PRKCA: variants seen among roughly 807,000 people sequenced by gnomAD.
PRKCA encodes protein kinase C alpha type.
In PRKCA, 27 loss-of-function variants were observed where a neutral mutation model predicts 87.0. The observed-to-expected ratio is 0.31, with a 90% CI of 0.23 to 0.43. The LOEUF is 0.43. Ranked by LOEUF, PRKCA falls within the 20% of genes least tolerant of loss-of-function variation. PRKCA has a pLI of 1.00. For missense variants in PRKCA, 518 were observed against 852.3 expected (o/e 0.61, Z 4.88); for synonymous variants, 329 against 311.1 (o/e 1.06, Z -0.61).
chr17:66,691,166 CTCT>C (rs1972777035), intron 8 of PRKCA, among the ~76,000 whole-genome samples: 1 of 152,114 alleles, frequency 6.6e-6, no homozygotes. Flanking sequence ...AAACTTAGAA[CTCT>C]GTGTAGGTCA....
At chr17:66,714,281 C>G (rs1166275864) in intron 8 of PRKCA, among the ~76,000 whole-genome samples, 1 of 151,786 alleles carries the variant, frequency 6.6e-6, no homozygotes, top group Admixed American at 6.6e-5. Context: ...CTCAAGCTGC[C>G]AGGCCTCATG....
At chr17:66,605,907 G>T (rs781192294) in intron 3 of PRKCA, among the ~76,000 whole-genome samples, 23 of 151,956 alleles carry the variant, frequency 1.5e-4, no homozygotes, top group Middle Eastern at 3.4e-3. Context: ...TAGGTTAGTG[G>T]TTACCTAGGG....
At chr17:66,508,233 A>G (rs866236293) in intron 3 of PRKCA, among the ~76,000 whole-genome samples, 5 of 152,228 alleles carry the variant, frequency 3.3e-5, no homozygotes, top group Admixed American at 1.3e-4. Flanking sequence ...GGGAAGGTCC[A>G]TTCTAATTAT....
At chr17:66,592,343 C>CAAAAAAAAAAAAAAAAAAAAAAA (rs71160581) in intron 3 of PRKCA, among the ~76,000 whole-genome samples, 2 of 82,362 alleles carry the variant, frequency 2.4e-5, no homozygotes, top group African/African-American at 5.8e-5. Flanking sequence ...TGATCCGTCT[C>CAAAAAAAAAAAAAAAAAAAAAAA]AAAAAAAAAA....
chr17:66,751,000 G>T (rs1313376300), intron 13 of PRKCA, among the ~76,000 whole-genome samples: 1 of 152,192 alleles, frequency 6.6e-6, no homozygotes, highest in South Asian at 2.1e-4. Context: ...GGCTTTCAGA[G>T]CTCAGATAAT....
intron 16 of PRKCA, chr17:66,796,812 T>C (rs1975680992): frequency 1.0e-6 from 1 of 985,260 alleles, no homozygotes; most frequent in East Asian, 1.1e-4. Flanking sequence ...GGCGCTCCAC[T>C]GTACCCCAGC....
intron 3 of PRKCA, among the ~76,000 whole-genome samples, chr17:66,628,999 A>G (rs989758663): frequency 1.3e-5 from 2 of 152,254 alleles, no homozygotes; most frequent in African/African-American, 4.8e-5. Flanking sequence ...ATTGCACTCC[A>G]GCCTGGGCAA....
chr17:66,376,053 A>G (rs1909399982), intron 2 of PRKCA, among the ~76,000 whole-genome samples: 1 of 152,196 alleles, frequency 6.6e-6, no homozygotes, highest in African/African-American at 2.4e-5. Context: ...TGTGCTGGGT[A>G]CAGAGCCACA....
intron 8 of PRKCA, among the ~76,000 whole-genome samples, chr17:66,731,878 C>T (rs1311625929): frequency 6.7e-6 from 1 of 149,594 alleles, no homozygotes; most frequent in Admixed American, 6.7e-5. Context: ...CCGCCCCCCG[C>T]CCCCCGGTTC....
At chr17:66,768,244 ATTTT>A (rs148009151) in intron 13 of PRKCA, among the ~76,000 whole-genome samples, 1 of 132,490 alleles carries the variant, frequency 7.5e-6, no homozygotes, top group Admixed American at 7.7e-5. Flanking sequence ...ATGCCCAGCC[ATTTT>A]TTTTTTTTTT....
chr17:66,672,149 A>G (rs540860392), intron 5 of PRKCA, among the ~76,000 whole-genome samples: 2 of 152,394 alleles, frequency 1.3e-5, no homozygotes, highest in East Asian at 3.9e-4. Flanking sequence ...AGATTTAACT[A>G]CATAATAAGT....
intron 8 of PRKCA, among the ~76,000 whole-genome samples, chr17:66,728,183 T>C (rs1387268961): frequency 1.3e-5 from 2 of 152,164 alleles, no homozygotes; most frequent in African/African-American, 4.8e-5. Flanking sequence ...GTGCTGCTCT[T>C]GATTGGGGGA....
At chr17:66,420,002 C>CTTT (rs558522698) in intron 2 of PRKCA, among the ~76,000 whole-genome samples, 4 of 113,714 alleles carry the variant, frequency 3.5e-5, no homozygotes, top group African/African-American at 6.4e-5. Context: ...GGGTTGTGTT[C>CTTT]TTTTTTTTTT....
chr17:66,651,102 G>A (rs914513236), intron 5 of PRKCA, among the ~76,000 whole-genome samples: 7 of 152,284 alleles, frequency 4.6e-5, no homozygotes, highest in Non-Finnish European at 8.8e-5. Flanking sequence ...CGGAAGTGCA[G>A]TGGAGCCGGG....
Position 66,809,737 on chromosome 17 carries a change from G to T in PRKCA, c.*5700G>T, listed in dbSNP as rs1976123292. On this transcript the variant is annotated 3_prime_UTR_variant, in exon 17 of 17. Transcript: ENST00000413366. ...ATAGACACTGGGGACAACTGCTTAA[G>T]GTTTAGAAACTTCCAAACCACAGGA... 6.6e-6 allele frequency: 1 copy of T among 152,170 alleles called. No individual in the cohort carries two copies. Among genetic ancestry groups the T allele is most frequent in the African/African-American group, 2.4e-5 (1 of 41,434 alleles). 9.4% of individuals were successfully genotyped at this position (152,170 alleles called of 1,614,324 possible).
intron 2 of PRKCA, among the ~76,000 whole-genome samples, chr17:66,403,138 A>G (rs186704681): frequency 2.0e-5 from 3 of 152,362 alleles, no homozygotes; most frequent in Non-Finnish European, 4.4e-5. Flanking sequence ...AGTGACTTAA[A>G]TGATAGCATG....
At chr17:66,628,572 C>A (rs549912359) in intron 3 of PRKCA, among the ~76,000 whole-genome samples, 4 of 152,148 alleles carry the variant, frequency 2.6e-5, no homozygotes, top group East Asian at 3.9e-4. Context: ...ACTTAACTAC[C>A]TTTTCTAATT....
intron 3 of PRKCA, among the ~76,000 whole-genome samples, chr17:66,609,071 C>T (rs1970283415): frequency 6.6e-6 from 1 of 152,124 alleles, no homozygotes; most frequent in African/African-American, 2.4e-5. Context: ...AGGCCTAAGC[C>T]CTTAACTCCT....
intron 10 of PRKCA, among the ~76,000 whole-genome samples, chr17:66,738,073 A>G (rs1974077150): frequency 1.3e-5 from 2 of 152,382 alleles, no homozygotes; most frequent in Non-Finnish European, 1.5e-5. Context: ...CTGTCCCAGC[A>G]TAATGTCCTC....
Sources: gnomAD v4.1 joint callset for allele counts (sites outside exome capture counted in the v4.1 genomes callset) on GRCh38, gnomAD v4.1.1 for gene constraint, MANE v1.5 for transcripts, NCBI Gene and HGNC (gene_info 2026-07-23, HGNC 2026-07-21) for gene names.